The following FBXL7 variants were observed in gnomAD, a reference collection of about 807,000 sequenced individuals.
FBXL7 encodes the protein F-box and leucine rich repeat protein 7, also known as F-box/LRR-repeat protein 7.
Under a neutral mutation model 38.3 loss-of-function variants are expected in FBXL7, and 12 were observed. The ratio of observed to expected loss-of-function variants is 0.31; its 90% CI spans 0.20 to 0.51. FBXL7 has a LOEUF of 0.51. Ranked by LOEUF, FBXL7 falls within the 20% of genes least tolerant of loss-of-function variation. The pLI, the probability that FBXL7 is intolerant of heterozygous loss-of-function variation, is 0.98. For synonymous variants in FBXL7, 297 were observed against 300.9 expected (o/e 0.99, Z 0.13); for missense variants, 567 against 676.4 (o/e 0.84, Z 1.79).
intron 2 of FBXL7, among the ~76,000 whole-genome samples, chr5:15,692,620 G>A (rs1743218363): frequency 6.6e-6 from 1 of 152,150 alleles, no homozygotes; most frequent in Non-Finnish European, 1.5e-5. Flanking sequence ...TAGAAGTGGG[G>A]ACTTCATCCA....
rs1418745146 is a variant in FBXL7, at chr5:15,937,188, G to A, written c.*2G>A. 1.9e-6 allele frequency: 3 copies of A among 1,580,764 alleles called. No individual in the cohort carries two copies. The highest frequency in any genetic ancestry group is 2.6e-6 in the Non-Finnish European group (3 of 1,161,240). On this transcript the variant is annotated 3_prime_UTR_variant, in exon 4 of 4. Coordinates refer to ENST00000504595, the MANE Select transcript of FBXL7 (RefSeq NM_012304.5). ...CACACCAACCCGGCTTTCTTCTGAA[G>A]GGACAGAGTTCATCCGGCGTTGTAT...
At chr5:15,841,000 T>C (rs1001720991) in intron 2 of FBXL7, among the ~76,000 whole-genome samples, 11 of 152,182 alleles carry the variant, frequency 7.2e-5, no homozygotes, top group Admixed American at 3.9e-4. Context: ...GCAATGTCAC[T>C]GGCTTTTGTG....
At chr5:15,539,471 G>C (rs1412982620) in intron 1 of FBXL7, among the ~76,000 whole-genome samples, 1 of 152,158 alleles carries the variant, frequency 6.6e-6, no homozygotes, top group Admixed American at 6.5e-5. Context: ...TAAGCAGATT[G>C]TAAGTCATCT....
intron 2 of FBXL7, among the ~76,000 whole-genome samples, chr5:15,822,622 CTTTTTT>C (rs371800054): frequency 1.5e-5 from 2 of 131,804 alleles, no homozygotes. Context: ...GCTGGTTGCT[CTTTTTT>C]TTTTTTTTTT....
chr5:15,899,255 G>A lies in FBXL7; in HGVS notation c.128-28635G>A, dbSNP rs536911629. ...CTAATTTTGTATTTTTAGTAGAGACGGGGTTTCTCCATGTTGGTCAGGCTG... is the reference window on the plus strand; with the variant it reads ...CTAATTTTGTATTTTTAGTAGAGACAGGGTTTCTCCATGTTGGTCAGGCTG... On this transcript the variant is annotated intron_variant, in intron 2 of 3. Coordinates refer to ENST00000504595, the MANE Select transcript of FBXL7 (RefSeq NM_012304.5). 3.3e-5 allele frequency among the ~76,000 whole-genome samples: 5 copies of A among 152,138 alleles called. 1 individual carries two copies. In the South Asian group the frequency reaches 8.3e-4, roughly 25 times the overall value.
In FBXL7 at chr5:15,830,959, C is replaced by T. The variant is rs547445698; in HGVS notation, c.128-96931C>T. Among the ~76,000 whole-genome samples the T allele has an allele frequency of 1.3e-3, 200 of 152,202 alleles. 1 individual carries two copies. Among genetic ancestry groups the T allele is most frequent in the Middle Eastern group, 0.01 (3 of 294 alleles). On this transcript the variant is annotated intron_variant, in intron 2 of 3. Coordinates refer to ENST00000504595, the MANE Select transcript of FBXL7 (RefSeq NM_012304.5). ...GTCTAGTTTCCTCCAATTATTACAT[C>T]TGGAGAGTCTCAAGCAGCAAGGCCT...
At chr5:15,799,088 T>C (rs777874689) in intron 2 of FBXL7, among the ~76,000 whole-genome samples, 1 of 152,170 alleles carries the variant, frequency 6.6e-6, no homozygotes, top group South Asian at 2.1e-4. Context: ...ACCAGGCAAT[T>C]GAATACAAGA....
In FBXL7 at chr5:15,876,793, T is replaced by A. The variant is rs1476853776; in HGVS notation, c.128-51097T>A. On this transcript the variant is annotated intron_variant, in intron 2 of 3. Coordinates refer to ENST00000504595, the MANE Select transcript of FBXL7 (RefSeq NM_012304.5). ...CAATTAGAAAACTAAAGTCAGGTAA[T>A]GCCTTTTAGAAAGTATTTTCACTAC... Among the ~76,000 whole-genome samples, 8 of 152,334 alleles carry A rather than the reference T, an allele frequency of 5.3e-5. No homozygotes were observed. The East Asian group carries it at 1.4e-3, about 26-fold the overall frequency.
intron 2 of FBXL7, among the ~76,000 whole-genome samples, chr5:15,816,219 C>G (rs1738009451): frequency 1.3e-5 from 2 of 151,516 alleles, no homozygotes; most frequent in Admixed American, 1.3e-4. Flanking sequence ...AAGTGCCCAT[C>G]AGCCCATGAG....
chr5:15,806,386 TAAAAACAA>T, intron 2 of FBXL7, among the ~76,000 whole-genome samples: 1 of 150,730 alleles, frequency 6.6e-6, no homozygotes, highest in African/African-American at 2.5e-5. Context: ...TTGACAAGTG[TAAAAACAA>T]AAAAACAAAA....
rs933432263 is a variant in FBXL7, at chr5:15,592,327, G to A, written c.38-23656G>A. Among the ~76,000 whole-genome samples, 4 of 152,114 alleles carry A rather than the reference G, an allele frequency of 2.6e-5. No homozygotes were observed. In the South Asian group the frequency reaches 6.2e-4, roughly 24 times the overall value. On this transcript the variant is annotated intron_variant, in intron 1 of 3. Transcript: ENST00000504595. ...CAGCAGCATGGAGATGAGTTTTGGA[G>A]TGAGATGCACCTGGCTCTGGGATAC...
chr5:15,830,403 G>A (rs1242761247), intron 2 of FBXL7, among the ~76,000 whole-genome samples: 1 of 151,772 alleles, frequency 6.6e-6, no homozygotes, highest in East Asian at 1.9e-4. Context: ...AGAATCACTG[G>A]AACCTGGGAG....
intron 2 of FBXL7, among the ~76,000 whole-genome samples, chr5:15,681,561 A>G (rs562328305): frequency 6.6e-5 from 10 of 152,196 alleles, no homozygotes; most frequent in Non-Finnish European, 1.5e-4. Flanking sequence ...TGTTAGTAGT[A>G]TTTACCAGTG....
intron 1 of FBXL7, among the ~76,000 whole-genome samples, chr5:15,527,329 A>G (rs534403693): frequency 6.6e-6 from 1 of 152,364 alleles, no homozygotes; most frequent in Admixed American, 6.5e-5. Flanking sequence ...CAACTGAGGA[A>G]GAAAATGAAG....
intron 2 of FBXL7, among the ~76,000 whole-genome samples, chr5:15,766,324 T>G (rs886927382): frequency 2.6e-5 from 4 of 152,230 alleles, no homozygotes; most frequent in African/African-American, 9.6e-5. Flanking sequence ...GTAGTAGTGC[T>G]TTGGTATCTC....
At chr5:15,540,259 G>A (rs1019640904) in intron 1 of FBXL7, among the ~76,000 whole-genome samples, 5 of 152,110 alleles carry the variant, frequency 3.3e-5, no homozygotes, top group African/African-American at 1.2e-4. Flanking sequence ...ATTTGGTATT[G>A]CCCATCAGAA....
In FBXL7 at chr5:15,678,230, T is replaced by C. The variant is rs144808645; in HGVS notation, c.127+62158T>C. ...GAGAGAGAGGAAATCAAAATTAAATTAATCCTCTCCAAGGATAAATAAAGT... is the reference window on the plus strand; with the variant it reads ...GAGAGAGAGGAAATCAAAATTAAATCAATCCTCTCCAAGGATAAATAAAGT... On this transcript the variant is annotated intron_variant, in intron 2 of 3. Coordinates refer to ENST00000504595, the MANE Select transcript of FBXL7 (RefSeq NM_012304.5). Among the ~76,000 whole-genome samples, 80 of 152,308 alleles carry C rather than the reference T, an allele frequency of 5.3e-4. 1 individual carries two copies. The East Asian group carries it at 0.015, about 28-fold the overall frequency.
chr5:15,645,576 A>G (rs1315910349), intron 2 of FBXL7, among the ~76,000 whole-genome samples: 1 of 152,198 alleles, frequency 6.6e-6, no homozygotes, highest in East Asian at 1.9e-4. Flanking sequence ...TACCGTGGGC[A>G]CATGTCATCA....
intron 1 of FBXL7, among the ~76,000 whole-genome samples, chr5:15,568,215 A>C (rs1197471570): frequency 1.3e-5 from 2 of 151,958 alleles, no homozygotes; most frequent in African/African-American, 4.8e-5. Flanking sequence ...TCCCACCAAC[A>C]GTGTAAAAGT....
Sources: gnomAD v4.1 joint callset for allele counts (sites outside exome capture counted in the v4.1 genomes callset) on GRCh38, gnomAD v4.1.1 for gene constraint, MANE v1.5 for transcripts, NCBI Gene and HGNC (gene_info 2026-07-23, HGNC 2026-07-21) for gene names.